The following GABRA3 variants were observed in gnomAD, a reference collection of about 807,000 sequenced individuals.
GABRA3 encodes the protein gamma-aminobutyric acid receptor subunit alpha-3.
In GABRA3, 10 loss-of-function variants were observed where a neutral mutation model predicts 30.1. The ratio of observed to expected loss-of-function variants is 0.33; its 90% CI spans 0.20 to 0.56. The LOEUF is 0.56. GABRA3 is among the 20% of genes least tolerant of loss of function. The pLI, the probability that GABRA3 is intolerant of heterozygous loss-of-function variation, is 0.89. For synonymous variants in GABRA3, 151 were observed against 146.8 expected (o/e 1.03, Z -0.21); for missense variants, 233 against 392.0 (o/e 0.59, Z 3.42).
chrX:152,297,994 T>C (rs1939560625), intron 3 of GABRA3, among the ~76,000 whole-genome samples: 1 of 112,217 alleles, frequency 8.9e-6, no homozygotes, highest in Admixed American at 9.4e-5. Flanking sequence ...TCCTTTCCAC[T>C]GTAGAGGAAT....
intron 1 of GABRA3, among the ~76,000 whole-genome samples, chrX:152,381,892 A>C (rs1165970098): frequency 9.0e-6 from 1 of 111,386 alleles, no homozygotes; most frequent in Non-Finnish European, 1.9e-5. Context: ...ATTGTTTTTT[A>C]TGGCTGCATA....
At chrX:152,241,277 C>T (rs1315778201) in intron 5 of GABRA3, among the ~76,000 whole-genome samples, 1 of 92,120 alleles carries the variant, frequency 1.1e-5, no homozygotes, top group Non-Finnish European at 2.4e-5. Flanking sequence ...TCAGTGTGCC[C>T]CTGCTGGGGG....
chrX:152,431,904 C>A (rs1930658644), intron 1 of GABRA3, among the ~76,000 whole-genome samples: 1 of 111,662 alleles, frequency 9.0e-6, no homozygotes, highest in African/African-American at 3.3e-5. Context: ...GAACACAGCC[C>A]TGCCAATGTC....
At chrX:152,286,889 C>G (rs1327349956) in intron 3 of GABRA3, among the ~76,000 whole-genome samples, 3 of 111,924 alleles carry the variant, frequency 2.7e-5, no homozygotes, top group Non-Finnish European at 3.8e-5. Context: ...TTTTAAATAG[C>G]TGGGCTCTCA....
intron 5 of GABRA3, among the ~76,000 whole-genome samples, chrX:152,238,571 C>G (rs1938281448): frequency 1.9e-5 from 2 of 107,570 alleles, no homozygotes. Flanking sequence ...AGGAATGGTA[C>G]CAGTTCCTCC....
At chrX:152,172,586 A>G (rs1937017001) in intron 9 of GABRA3, among the ~76,000 whole-genome samples, 1 of 111,948 alleles carries the variant, frequency 8.9e-6, no homozygotes, top group African/African-American at 3.2e-5. Context: ...TGGTATATAC[A>G]CACAATGAAT....
At chrX:152,190,107 G>T (rs1167779899) in intron 8 of GABRA3, among the ~76,000 whole-genome samples, 166 bp from the exon 9 acceptor site, 2 of 111,001 alleles carry the variant, frequency 1.8e-5, no homozygotes, top group Non-Finnish European at 3.8e-5. Context: ...AAATCTGATG[G>T]GTCCACCTAG....
At chrX:152,313,306 C>T (rs748218539) in intron 3 of GABRA3, among the ~76,000 whole-genome samples, 7 of 111,297 alleles carry the variant, frequency 6.3e-5, no homozygotes, top group Non-Finnish European at 1.3e-4. Context: ...CTTTCACTTC[C>T]CAGTGTCTCA....
intron 3 of GABRA3, among the ~76,000 whole-genome samples, chrX:152,287,455 T>A (rs1939317740): frequency 9.0e-6 from 1 of 111,016 alleles, no homozygotes; most frequent in East Asian, 2.9e-4. Flanking sequence ...GTTTTATAAG[T>A]GTCTGGCATT....
intron 5 of GABRA3, among the ~76,000 whole-genome samples, chrX:152,236,017 A>G (rs1324010504): frequency 3.0e-4 from 27 of 90,128 alleles, no homozygotes; most frequent in African/African-American, 1.0e-3. Flanking sequence ...ATTATACTTT[A>G]AGTTTTAGGG....
intron 4 of GABRA3, among the ~76,000 whole-genome samples, chrX:152,284,220 T>C (rs1214404708): frequency 9.0e-6 from 1 of 111,723 alleles, no homozygotes; most frequent in African/African-American, 3.3e-5. Context: ...TGTATCATTC[T>C]GGCCAGTCCA....
intron 3 of GABRA3, among the ~76,000 whole-genome samples, chrX:152,306,731 A>G (rs1477908113): frequency 1.8e-5 from 2 of 112,340 alleles, no homozygotes; most frequent in Non-Finnish European, 3.8e-5. Context: ...CGTACCTTCT[A>G]AATACACTGC....
rs993405730 is a variant in GABRA3, at chrX:152,378,191, T to A, written c.-26-13595A>T. On this transcript the variant is annotated intron_variant, in intron 1 of 9. Coordinates refer to ENST00000370314, the MANE Select transcript of GABRA3 (RefSeq NM_000808.4). Reference sequence around the variant, plus strand: ...CCCCATAAATAATTTTTCGCAGACATTGGTCGGTATACAGAGAAAGATCAC... The same window carrying A: ...CCCCATAAATAATTTTTCGCAGACAATGGTCGGTATACAGAGAAAGATCAC... Among the ~76,000 whole-genome samples the A allele has an allele frequency of 2.7e-5, 3 of 111,851 alleles. No individual in the cohort carries two copies. In the Admixed American group the frequency reaches 2.9e-4, roughly 11 times the overall value.
chrX:152,414,027 T>C (rs1159776274), intron 1 of GABRA3, among the ~76,000 whole-genome samples: 3 of 111,374 alleles, frequency 2.7e-5, no homozygotes, highest in Non-Finnish European at 3.8e-5. Flanking sequence ...CTATTCTCAT[T>C]TAAATATTAA....
chrX:152,273,221 A>C (rs1211320628), intron 4 of GABRA3, among the ~76,000 whole-genome samples: 3 of 112,628 alleles, frequency 2.7e-5, no homozygotes, highest in African/African-American at 9.7e-5. Context: ...GGAAATGCAA[A>C]ACAAAACCAC....
intron 1 of GABRA3, among the ~76,000 whole-genome samples, chrX:152,444,601 G>A (rs924874893): frequency 9.1e-6 from 1 of 110,490 alleles, no homozygotes; most frequent in African/African-American, 3.3e-5. Flanking sequence ...GCCATCACAT[G>A]ATTGTTAAGG....
At chrX:152,330,695 G>T (rs1368459571) in intron 3 of GABRA3, among the ~76,000 whole-genome samples, 1 of 98,054 alleles carries the variant, frequency 1.0e-5, no homozygotes, top group African/African-American at 3.7e-5. Flanking sequence ...ACCGGGACCT[G>T]TCGTGGGGTG....
intron 4 of GABRA3, among the ~76,000 whole-genome samples, chrX:152,258,645 A>G (rs922778230): frequency 1.8e-5 from 2 of 112,159 alleles, no homozygotes; most frequent in Non-Finnish European, 3.8e-5. Context: ...AGAATACCAA[A>G]GAAGAGATTT....
At chrX:152,372,771 G>A (rs1040702388) in intron 1 of GABRA3, among the ~76,000 whole-genome samples, 4 of 111,677 alleles carry the variant, frequency 3.6e-5, no homozygotes, top group Admixed American at 9.5e-5. Context: ...ATTATTCTAT[G>A]CTCTCAACTT....
Sources: gnomAD v4.1 joint callset for allele counts (sites outside exome capture counted in the v4.1 genomes callset) on GRCh38, gnomAD v4.1.1 for gene constraint, MANE v1.5 for transcripts, NCBI Gene and HGNC (gene_info 2026-07-23, HGNC 2026-07-21) for gene names.